Variants in EEF2K observed in about 807,000 individuals in gnomAD.
The protein encoded by EEF2K is alternative protein EEF2K.
In EEF2K, 70 loss-of-function variants were observed where a neutral mutation model predicts 93.8. The ratio of observed to expected loss-of-function variants is 0.75; its 90% CI spans 0.62 to 0.91. The LOEUF (loss-of-function observed/expected upper bound fraction) is 0.91, where lower values mean the gene tolerates loss of function less well. Ranked by LOEUF, EEF2K falls within the 40% of genes least tolerant of loss-of-function variation. The pLI is 0.00. For synonymous variants in EEF2K, 376 were observed against 380.8 expected, an observed-to-expected ratio of 0.99 and a Z score of 0.15; for missense variants, 935 against 972.9, an observed-to-expected ratio of 0.96 and a Z score of 0.52.
At chr16:22,257,160 GAA>G (rs2047409820) in intron 7 of EEF2K, 91 bp from the exon 8 acceptor site, 1 of 1,580,234 alleles carries the variant, frequency 6.3e-7, no homozygotes, top group East Asian at 2.2e-5. Context: ...TCCTTGAAGA[GAA>G]AGCCCCTCAG....
chr16:22,257,164 GC>G, intron 7 of EEF2K, 88 bp from the exon 8 acceptor site: 1 of 1,578,236 alleles, frequency 6.3e-7, no homozygotes, highest in Non-Finnish European at 8.6e-7. Flanking sequence ...TGAAGAGAAA[GC>G]CCCTCAGCAT....
Position 22,256,887 on chromosome 16 carries a change from T to G in EEF2K, c.758T>G (p.Leu253Arg), listed in dbSNP as rs1189842735. The G allele has an allele frequency of 1.2e-6, 2 of 1,614,034 alleles. No homozygotes were observed. Among genetic ancestry groups the G allele is most frequent in the East Asian group, 4.5e-5 (2 of 44,878 alleles). Residue 253 changes from leucine (L) to arginine (R), a missense_variant, in exon 7 of 18, where the codon CTG (leucine) becomes CGG (arginine). By Grantham distance (102) the Leu-to-Arg change is moderately radical (BLOSUM62 -2). Transcript: ENST00000263026. Reference sequence around the variant, plus strand: ...TTTGTCCGCGATGACAACATCCGCCTGACGCCGCAGGTGAGGCCGAGCTCA... The same window carrying G: ...TTTGTCCGCGATGACAACATCCGCCGGACGCCGCAGGTGAGGCCGAGCTCA... ...SGFVRDDNIR[L>R]TPQAFSHFTF... is the part of the protein sequence containing the mutation.
At chr16:22,229,256 TG>T (rs2047093022) in intron 2 of EEF2K, among the ~76,000 whole-genome samples, 1 of 152,224 alleles carries the variant, frequency 6.6e-6, no homozygotes, top group African/African-American at 2.4e-5. Context: ...TATGCGTGTA[TG>T]TGGGTACAGA....
chr16:22,267,113 A>G (rs904658400), intron 15 of EEF2K, among the ~76,000 whole-genome samples: 2 of 152,190 alleles, frequency 1.3e-5, no homozygotes, highest in African/African-American at 4.8e-5. Context: ...GTTTCCAGGT[A>G]ATAACGACAT....
At position 22,225,925 on chromosome 16, in the gene EEF2K, A is replaced by C. The variant is rs141159782; in HGVS notation, c.196A>C (p.Ser66Arg). The change falls in exon 2 of 18, where the codon AGT becomes CGT. Residue 66 changes from serine (S) to arginine (R), a missense_variant. Ser to Arg is a moderately radical substitution (Grantham distance 110). Coordinates refer to ENST00000263026, the MANE Select transcript of EEF2K (RefSeq NM_013302.5). ...TAAGTACTACAGCAACCTAACAAAA[A>C]GTGAGCGGTATAGCTCCAGCGGGTC... is the stretch of plus-strand genomic sequence containing the variant. Reference protein sequence around the residue: ...VNKYYSNLTKSERYSSSGSPA... With the variant: ...VNKYYSNLTKRERYSSSGSPA... The C allele has an allele frequency of 1.4e-5, 22 of 1,614,068 alleles. No individual in the cohort carries two copies. The African/African-American group carries it at 2.3e-4, about 17-fold the overall frequency.
chr16:22,265,630 A>G (rs1335620269), intron 13 of EEF2K, among the ~76,000 whole-genome samples: 2 of 152,198 alleles, frequency 1.3e-5, no homozygotes, highest in Admixed American at 6.5e-5. Context: ...TTGCTCAAGC[A>G]AGGCACTACT....
At chr16:22,234,418 G>A (rs1238153895) in intron 2 of EEF2K, among the ~76,000 whole-genome samples, 2 of 152,158 alleles carry the variant, frequency 1.3e-5, no homozygotes, top group South Asian at 2.1e-4. Context: ...TTATCTGGGC[G>A]TGGTGGTGTG....
intron 2 of EEF2K, among the ~76,000 whole-genome samples, chr16:22,239,479 G>T (rs1452248724): frequency 1.3e-5 from 2 of 152,198 alleles, no homozygotes; most frequent in Admixed American, 1.3e-4. Flanking sequence ...CCTGCCATTT[G>T]TAGCAGCCGG....
At chr16:22,279,362 G>A (rs541901093) in intron 16 of EEF2K, among the ~76,000 whole-genome samples, 48 of 151,522 alleles carry the variant, frequency 3.2e-4, no homozygotes, top group East Asian at 1.4e-3. Flanking sequence ...CTCAGCCTCC[G>A]GAGTAGCTGG....
chr16:22,267,870 A>T (rs2047540648), intron 15 of EEF2K, among the ~76,000 whole-genome samples: 1 of 152,150 alleles, frequency 6.6e-6, no homozygotes, highest in African/African-American at 2.4e-5. Flanking sequence ...GAAAGGATTG[A>T]ATGGGATCTG....
At chr16:22,229,400 C>T (rs1265159415) in intron 2 of EEF2K, among the ~76,000 whole-genome samples, 1 of 152,126 alleles carries the variant, frequency 6.6e-6, no homozygotes, top group Non-Finnish European at 1.5e-5. Flanking sequence ...GTGTTCATAC[C>T]ATAGCAAAGC....
rs1406525482 is a variant in EEF2K, at chr16:22,251,301, T to C, written c.597T>C (p.Asn199=). 1.9e-6 allele frequency: 3 copies of C among 1,613,992 alleles called. No homozygotes were observed. Among genetic ancestry groups the C allele is most frequent in the Non-Finnish European group, 2.5e-6 (3 of 1,180,010 alleles). The stretch of plus-strand genomic sequence containing the variant: ...CCAAGCTCTGGGGGGAGGAGTATAA[T>C]CGGCACAAGCCCCCCAAGCAGGTGC... ...MEAKLWGEEY[N]RHKPPKQVDI... is the part of the protein sequence containing the mutation. Residue 199 remains asparagine, a synonymous_variant, in exon 6 of 18, where the codon AAT becomes AAC. Transcript: ENST00000263026.
At chr16:22,233,277 G>A (rs1332384780) in intron 2 of EEF2K, among the ~76,000 whole-genome samples, 1 of 152,164 alleles carries the variant, frequency 6.6e-6, no homozygotes, top group East Asian at 1.9e-4. Context: ...GATTAGGAGG[G>A]ACTGTGTTCC....
chr16:22,230,647 G>A (rs1239067234), intron 2 of EEF2K, among the ~76,000 whole-genome samples: 2 of 152,074 alleles, frequency 1.3e-5, no homozygotes, highest in South Asian at 4.1e-4. Flanking sequence ...TCAGCCTTCT[G>A]AGTAGCTAGG....
At chr16:22,246,163 AG>A (rs1486247076) in intron 3 of EEF2K, among the ~76,000 whole-genome samples, 1 of 152,184 alleles carries the variant, frequency 6.6e-6, no homozygotes, top group Non-Finnish European at 1.5e-5. Context: ...TTGCTGGAGC[AG>A]CTCACGGAAC....
chr16:22,270,914 A>C (rs9927408), intron 15 of EEF2K, among the ~76,000 whole-genome samples: 12,058 of 150,406 alleles, frequency 0.08, 1,435 homozygotes, highest in African/African-American at 0.26. Flanking sequence ...CTCTCTCTCT[A>C]TATATATGTG....
chr16:22,273,164 C>T (rs895400698), intron 15 of EEF2K, among the ~76,000 whole-genome samples: 1 of 152,202 alleles, frequency 6.6e-6, no homozygotes, highest in Non-Finnish European at 1.5e-5. Context: ...ACTGCTTCTA[C>T]GGAATAGGGC....
intron 11 of EEF2K, among the ~76,000 whole-genome samples, chr16:22,261,668 C>T (rs113317772): frequency 0.014 from 2,001 of 143,916 alleles, 48 homozygotes; most frequent in African/African-American, 0.049. Context: ...CCAACCTGGG[C>T]GACAGAGCGA....
At chr16:22,244,369 T>G (rs1485097206) in intron 2 of EEF2K, among the ~76,000 whole-genome samples, 1 of 151,710 alleles carries the variant, frequency 6.6e-6, no homozygotes, top group African/African-American at 2.4e-5. Flanking sequence ...GGGAATGGTA[T>G]CCTATTTTCA....
Sources: allele counts gnomAD v4.1 joint callset (sites outside exome capture counted in the v4.1 genomes callset), GRCh38; gene constraint gnomAD v4.1.1; transcripts MANE v1.5; gene names NCBI Gene and HGNC (gene_info 2026-07-23, HGNC 2026-07-21).